ESRRG: variants seen among roughly 807,000 people sequenced by gnomAD.
The protein encoded by ESRRG is estrogen related receptor gamma.
A neutral mutation model predicts 44.0 loss-of-function variants in ESRRG; 13 were observed. That is an observed-to-expected ratio of 0.30 (90% CI 0.19 to 0.47). ESRRG has a LOEUF of 0.47. Ranked by LOEUF, ESRRG falls within the 20% of genes least tolerant of loss-of-function variation. The probability of loss-of-function intolerance (pLI) is 1.00; values close to 1 mark genes in which losing one functional copy is unlikely to be tolerated. For synonymous variants in ESRRG, 215 were observed against 214.6 expected (o/e 1.00, Z -0.02); for missense variants, 395 against 580.6 (o/e 0.68, Z 3.29).
rs567587104 is a variant in ESRRG, at chr1:216,695,793, A to T, written c.57-18302T>A. ...TCATGAGTATCTGATTCTAGATACC[A>T]TGAAGTCAAGATCATGAAGATTTCA... On this transcript the variant is annotated intron_variant, in intron 1 of 6. Transcript: ENST00000408911. Among the ~76,000 whole-genome samples the T allele has an allele frequency of 3.9e-5, 6 of 152,308 alleles. No homozygotes were observed. The East Asian group carries it at 1.2e-3, about 29-fold the overall frequency.
At chr1:216,761,960 T>C (rs2092801737) in intron 2 of ESRRG, among the ~76,000 whole-genome samples, 1 of 152,156 alleles carries the variant, frequency 6.6e-6, no homozygotes, top group African/African-American at 2.4e-5. Flanking sequence ...TGGTACCTTG[T>C]AGTGGCTATT....
intron 3 of ESRRG, among the ~76,000 whole-genome samples, chr1:216,641,140 C>T (rs1464362750): frequency 6.6e-6 from 1 of 152,090 alleles, no homozygotes; most frequent in African/African-American, 2.4e-5. Context: ...GGGAAGAAAG[C>T]TAAAGGAACT....
chr1:216,887,109 T>C (rs1346296980), intron 2 of ESRRG, among the ~76,000 whole-genome samples: 2 of 152,092 alleles, frequency 1.3e-5, no homozygotes, highest in Non-Finnish European at 2.9e-5. Flanking sequence ...TTTCCTCACT[T>C]TTCAGATTTA....
chr1:216,643,779 C>T (rs570750551), intron 3 of ESRRG, among the ~76,000 whole-genome samples: 33 of 152,292 alleles, frequency 2.2e-4, no homozygotes, highest in South Asian at 1.0e-3. Context: ...GGAAAAGTCA[C>T]CTCCTAAATT....
At chr1:217,114,402 C>T (rs2092696249) in intron 1 of ESRRG, among the ~76,000 whole-genome samples, 2 of 151,820 alleles carry the variant, frequency 1.3e-5, no homozygotes, top group African/African-American at 4.8e-5. Context: ...TTGGACACGG[C>T]TGAAAAAAAT....
chr1:216,756,696 C>T (rs536855955), intron 2 of ESRRG, among the ~76,000 whole-genome samples: 2 of 152,064 alleles, frequency 1.3e-5, no homozygotes, highest in African/African-American at 4.8e-5. Flanking sequence ...CCAGTATTTA[C>T]TTCAAGAAAT....
intron 1 of ESRRG, among the ~76,000 whole-genome samples, chr1:217,031,098 A>G (rs766536286): frequency 3.3e-5 from 5 of 152,214 alleles, no homozygotes; most frequent in African/African-American, 4.8e-5. Flanking sequence ...GTCTGTTTTG[A>G]TATATCCTGA....
intron 1 of ESRRG, among the ~76,000 whole-genome samples, chr1:216,967,616 T>C (rs2070732544): frequency 6.6e-6 from 1 of 152,218 alleles, no homozygotes. Flanking sequence ...GGATGTACCA[T>C]GGTTTATTTA....
At chr1:216,776,425 C>T (rs937430254) in intron 2 of ESRRG, among the ~76,000 whole-genome samples, 3 of 152,046 alleles carry the variant, frequency 2.0e-5, no homozygotes, top group Non-Finnish European at 4.4e-5. Context: ...GATCCCAACC[C>T]TAGCCCTGTT....
chr1:216,901,930 A>T (rs1191929327), intron 2 of ESRRG, among the ~76,000 whole-genome samples: 5 of 151,730 alleles, frequency 3.3e-5, no homozygotes, highest in Admixed American at 2.0e-4. Flanking sequence ...TTTATTTTTT[A>T]TTTTTATTTT....
intron 2 of ESRRG, among the ~76,000 whole-genome samples, chr1:216,923,073 A>C (rs2062039066): frequency 6.6e-6 from 1 of 152,224 alleles, no homozygotes; most frequent in African/African-American, 2.4e-5. Flanking sequence ...AGTAGGTAAA[A>C]TCATCTGTGA....
At chr1:216,547,871 A>G (rs1466802503) in intron 5 of ESRRG, among the ~76,000 whole-genome samples, 1 of 152,094 alleles carries the variant, frequency 6.6e-6, no homozygotes, top group African/African-American at 2.4e-5. Context: ...AAGCAAATTA[A>G]ACATACCATG....
chr1:217,067,946 C>A (rs1255496057), intron 1 of ESRRG, among the ~76,000 whole-genome samples: 2 of 152,146 alleles, frequency 1.3e-5, no homozygotes, highest in East Asian at 3.9e-4. Context: ...GTTGCACCAT[C>A]TCCACACACA....
intron 2 of ESRRG, among the ~76,000 whole-genome samples, chr1:216,774,871 A>G (rs1289517999): frequency 1.4e-5 from 2 of 140,812 alleles, no homozygotes; most frequent in South Asian, 2.3e-4. Flanking sequence ...GCACGAGCAC[A>G]GCTCACTGAA....
intron 5 of ESRRG, among the ~76,000 whole-genome samples, chr1:216,522,296 A>C (rs1435309580): frequency 9.1e-6 from 1 of 110,354 alleles, no homozygotes; most frequent in Admixed American, 1.4e-4. Context: ...GTGAGGGAGC[A>C]TGAGGAGACG....
chr1:217,110,593 A>AG (rs542409320), intron 1 of ESRRG, among the ~76,000 whole-genome samples: 304 of 152,248 alleles, frequency 2.0e-3, no homozygotes, highest in Non-Finnish European at 3.5e-3. Context: ...TGGAAGGCAA[A>AG]GGGGGAGCAG....
At chr1:216,780,038 T>G (rs1305598040) in intron 2 of ESRRG, among the ~76,000 whole-genome samples, 1 of 151,898 alleles carries the variant, frequency 6.6e-6, no homozygotes, top group Non-Finnish European at 1.5e-5. Flanking sequence ...TTCAGGAAAT[T>G]TTTTAAAGGC....
At chr1:216,676,919 A>G (rs942215134) in intron 2 of ESRRG, among the ~76,000 whole-genome samples, 157 bp downstream of exon 2, 4 of 152,216 alleles carry the variant, frequency 2.6e-5, no homozygotes, top group African/African-American at 7.2e-5. Context: ...ATTTTATTCT[A>G]TAAATCTTCC....
intron 1 of ESRRG, among the ~76,000 whole-genome samples, chr1:217,057,029 T>C (rs1444213520): frequency 1.3e-5 from 2 of 152,098 alleles, no homozygotes; most frequent in African/African-American, 4.8e-5. Context: ...GAAGGAGGAC[T>C]GAGGGAGATG....
Sources: gnomAD v4.1 joint callset for allele counts (sites outside exome capture counted in the v4.1 genomes callset) on GRCh38, gnomAD v4.1.1 for gene constraint, MANE v1.5 for transcripts, NCBI Gene and HGNC (gene_info 2026-07-23, HGNC 2026-07-21) for gene names.